KATNIP: variants seen among roughly 807,000 people sequenced by gnomAD.
The protein encoded by KATNIP is katanin-interacting protein.
A neutral mutation model predicts 174.0 loss-of-function variants in KATNIP; 126 were observed. The ratio of observed to expected loss-of-function variants is 0.72; its 90% CI spans 0.63 to 0.84. The LOEUF (loss-of-function observed/expected upper bound fraction) is 0.84, where lower values mean the gene tolerates loss of function less well. Ranked by LOEUF, KATNIP falls within the 40% of genes least tolerant of loss-of-function variation. KATNIP has a pLI of 0.00. For missense variants in KATNIP, 1,958 were observed against 2,109.7 expected (o/e 0.93, Z 1.41); for synonymous variants, 810 against 835.7 (o/e 0.97, Z 0.53).
chr16:27,646,735 C>T (rs563970123), intron 5 of KATNIP, among the ~76,000 whole-genome samples: 7 of 152,226 alleles, frequency 4.6e-5, no homozygotes, highest in African/African-American at 1.2e-4. Context: ...TTTGGCTGCT[C>T]CAGCAGGGAG....
Position 27,637,308 on chromosome 16 carries a change from C to T in KATNIP, c.408+6146C>T, listed in dbSNP as rs572237427. 7.2e-5 allele frequency among the ~76,000 whole-genome samples: 11 copies of T among 152,256 alleles called. No individual in the cohort carries two copies. In the South Asian group the frequency reaches 2.1e-3, roughly 29 times the overall value. On this transcript the variant is annotated intron_variant, in intron 5 of 27. Coordinates refer to ENST00000261588, the MANE Select transcript of KATNIP (RefSeq NM_015202.5). The surrounding 1 kb of genome is among the most constrained non-coding windows in gnomAD (Gnocchi z 4.7). Reference sequence around the variant, plus strand: ...TCCGTGCTCATGTATTGAGCACATACTCAGTTTTGGCACTTACAGATGCCG... The same window carrying T: ...TCCGTGCTCATGTATTGAGCACATATTCAGTTTTGGCACTTACAGATGCCG...
intron 6 of KATNIP, among the ~76,000 whole-genome samples, chr16:27,648,942 G>T (rs1394077323): frequency 2.0e-5 from 3 of 152,252 alleles, no homozygotes; most frequent in African/African-American, 4.8e-5. Context: ...GTGACCAGGG[G>T]TCGGTGAGGC....
chr16:27,590,374 A>G (rs2075126915), intron 2 of KATNIP, among the ~76,000 whole-genome samples: 1 of 149,302 alleles, frequency 6.7e-6, no homozygotes, highest in South Asian at 2.1e-4. Flanking sequence ...GGTGTCTCAC[A>G]TGTTGCCCAG....
chr16:27,636,150 T>C lies in KATNIP; in HGVS notation c.408+4988T>C, dbSNP rs114008939. 6.6e-3 allele frequency among the ~76,000 whole-genome samples: 1,008 copies of C among 152,140 alleles called. 15 individuals are homozygous for C. Among genetic ancestry groups the C allele is most frequent in the African/African-American group, 0.023 (967 of 41,506 alleles). On this transcript the variant is annotated intron_variant, in intron 5 of 27. Coordinates refer to ENST00000261588, the MANE Select transcript of KATNIP (RefSeq NM_015202.5). ...GCCTGGGGGACAGAGCAAGACCCTA[T>C]CTCAAAATCAAAAATCTAGATCTCT...
At chr16:27,626,959 C>T (rs577576724) in intron 3 of KATNIP, among the ~76,000 whole-genome samples, 22 of 148,424 alleles carry the variant, frequency 1.5e-4, no homozygotes, top group South Asian at 8.5e-4. Flanking sequence ...TGCGAGACTC[C>T]GTCTCAAAAA....
intron 2 of KATNIP, among the ~76,000 whole-genome samples, chr16:27,615,927 A>G (rs2142044617): frequency 6.6e-6 from 1 of 152,302 alleles, no homozygotes; most frequent in South Asian, 2.1e-4. Flanking sequence ...TCTTCCCAGG[A>G]TAAGCATTAA....
rs376296237 is a variant in KATNIP at position 27,577,537 on chromosome 16, C to CA, written c.63+3586dup. ...TGAAACCCTATCTCTACTAAAAATA[C>CA]AAAAATTAGCCGGACGTGGTGGCAG... On this transcript the variant is annotated intron_variant, in intron 2 of 27. Transcript: ENST00000261588. Among the ~76,000 whole-genome samples the CA allele has an allele frequency of 3.2e-4, 48 of 151,862 alleles. 1 individual carries two copies. The highest frequency in any genetic ancestry group is 8.7e-4 in the African/African-American group (36 of 41,488).
At chr16:27,633,250 C>T (rs2076542267) in intron 5 of KATNIP, among the ~76,000 whole-genome samples, 1 of 151,988 alleles carries the variant, frequency 6.6e-6, no homozygotes. Context: ...TATTTCTCAG[C>T]CCTGACTGTA....
intron 2 of KATNIP, among the ~76,000 whole-genome samples, chr16:27,611,282 G>A (rs1335621491): frequency 6.6e-6 from 1 of 152,178 alleles, no homozygotes; most frequent in Non-Finnish European, 1.5e-5. Context: ...ATAAGCCCTT[G>A]ATAAATGTTT....
intron 9 of KATNIP, 28 bp downstream of exon 9, chr16:27,698,528 G>T: frequency 6.3e-7 from 1 of 1,585,188 alleles, no homozygotes. Flanking sequence ...AGAGGAACCG[G>T]GGGATGCTCC....
intron 14 of KATNIP, among the ~76,000 whole-genome samples, chr16:27,725,576 G>A (rs1264471558): frequency 2.0e-5 from 3 of 152,290 alleles, no homozygotes; most frequent in East Asian, 1.9e-4. Flanking sequence ...TTTGAGGTCC[G>A]CTTGTCTTTC....
chr16:27,711,619 G>A (rs1447372269), intron 13 of KATNIP, among the ~76,000 whole-genome samples: 1 of 152,216 alleles, frequency 6.6e-6, no homozygotes, highest in African/African-American at 2.4e-5. Context: ...CTTGATGCCA[G>A]TTCCACCAAG....
At chr16:27,650,533 G>A (rs1478696099) in intron 6 of KATNIP, among the ~76,000 whole-genome samples, 1 of 152,156 alleles carries the variant, frequency 6.6e-6, no homozygotes, top group South Asian at 2.1e-4. Context: ...TTCAACTCTG[G>A]GCCCCGGCTG....
At chr16:27,725,871 C>CAGGGTATATTTT (rs564836429) in intron 14 of KATNIP, among the ~76,000 whole-genome samples, 315 of 152,266 alleles carry the variant, frequency 2.1e-3, no homozygotes, top group African/African-American at 7.2e-3. Flanking sequence ...GACAGGCACC[C>CAGGGTATATTTT]AGGGTATATT....
At chr16:27,645,756 A>G (rs1433404187) in intron 5 of KATNIP, among the ~76,000 whole-genome samples, 4 of 152,164 alleles carry the variant, frequency 2.6e-5, no homozygotes, top group African/African-American at 7.2e-5. Flanking sequence ...GAAGAAGGGT[A>G]GAAGGGTAAA....
At chr16:27,669,389 G>A in intron 6 of KATNIP, 1 of 777,666 alleles carries the variant, frequency 1.3e-6, no homozygotes, top group Non-Finnish European at 1.6e-6. Context: ...TGGCAGCCTG[G>A]CCTCCATGCA....
chr16:27,631,845 T>C (rs1377300510), intron 5 of KATNIP, among the ~76,000 whole-genome samples: 1 of 152,208 alleles, frequency 6.6e-6, no homozygotes, highest in Non-Finnish European at 1.5e-5. Flanking sequence ...GGAACTGAGA[T>C]GCCATTTTGG....
At chr16:27,701,795 C>A in intron 11 of KATNIP, 100 bp downstream of exon 11, 1 of 793,080 alleles carries the variant, frequency 1.3e-6, no homozygotes, top group Non-Finnish European at 2.1e-6. Flanking sequence ...TTTTTTCAGA[C>A]CCCTTATTTC....
At chr16:27,563,072 G>A (rs944345990) in intron 1 of KATNIP, among the ~76,000 whole-genome samples, 25 of 152,322 alleles carry the variant, frequency 1.6e-4, no homozygotes, top group African/African-American at 5.8e-4. Context: ...TATTCCAGGT[G>A]TGGAGAATTC....
Sources: gnomAD v4.1 joint callset for allele counts (sites outside exome capture counted in the v4.1 genomes callset) on GRCh38, gnomAD v4.1.1 for gene constraint, Gnocchi (gnomAD v3.1) non-coding constraint, MANE v1.5 for transcripts, NCBI Gene and HGNC (gene_info 2026-07-23, HGNC 2026-07-21) for gene names.